The following ZFAND4 variants were observed in gnomAD, a reference collection of about 807,000 sequenced individuals.
ZFAND4 encodes AN1-type zinc finger protein 4.
In ZFAND4, 43 loss-of-function variants were observed where a neutral mutation model predicts 64.4. That is an observed-to-expected ratio of 0.67 (90% CI 0.52 to 0.86). The LOEUF is 0.86. Among genes scored for constraint, ZFAND4 ranks in the 40% least tolerant of loss-of-function variants. The pLI is 0.00. For missense variants in ZFAND4, 929 were observed against 859.8 expected (o/e 1.08, Z -1.01); for synonymous variants, 296 against 305.7 (o/e 0.97, Z 0.33).
chr10:45,626,854 C>T lies in ZFAND4; in HGVS notation c.969G>A (p.Trp323Ter), dbSNP rs1277593209. The T allele has an allele frequency of 1.9e-6, 3 of 1,614,002 alleles. No individual in the cohort carries two copies. The highest frequency in any genetic ancestry group is 2.2e-5 in the East Asian group (1 of 44,888). ...TGAAGTGAGACAGTGTGTTATTCTCCCAGCTATTATCTTCCTTAAGAAATT... is the reference window on the plus strand; with the variant it reads ...TGAAGTGAGACAGTGTGTTATTCTCTCAGCTATTATCTTCCTTAAGAAATT... ...TGEFLKEDNS[W>*]ENNTLSHFSS... is the part of the protein sequence containing the mutation. Residue 323 changes from tryptophan to a stop codon, truncating the protein, a stop_gained, in exon 7 of 10, where the codon TGG becomes TGA. Transcript: ENST00000344646. LOFTEE classifies it high-confidence loss of function.
chr10:45,640,231 T>C lies in ZFAND4; in HGVS notation c.570-268A>G, dbSNP rs913947151. 4 of 1,222,770 alleles carry C rather than the reference T, an allele frequency of 3.3e-6. No individual in the cohort carries two copies. In the African/African-American group the frequency reaches 6.4e-5, roughly 19 times the overall value. 75.7% of individuals were successfully genotyped at this position (1,222,770 alleles called of 1,614,324 possible). On this transcript the variant is annotated intron_variant, in intron 5 of 9. Transcript: ENST00000344646. ...CAGTATATCATAAATGAAGATGTTT[T>C]GACACCTGCCATATCATTCCCAAAG... is the stretch of plus-strand genomic sequence containing the variant.
chr10:45,669,703 C>T (rs962169282), intron 1 of ZFAND4, among the ~76,000 whole-genome samples: 1 of 152,196 alleles, frequency 6.6e-6, no homozygotes. Flanking sequence ...GGCCTCATCC[C>T]TGGGATGCAA....
intron 4 of ZFAND4, chr10:45,650,007 G>A (rs752439027): frequency 4.6e-5 from 7 of 152,202 alleles, no homozygotes; most frequent in Non-Finnish European, 1.0e-4. Flanking sequence ...CAATATATAT[G>A]AAGTTTGATA....
At chr10:45,670,664 C>T (rs61855760) in intron 1 of ZFAND4, among the ~76,000 whole-genome samples, 1 of 152,144 alleles carries the variant, frequency 6.6e-6, no homozygotes. Context: ...CTTCCTTACA[C>T]CTTATACAAA....
chr10:45,619,022 T>C, intron 8 of ZFAND4, among the ~76,000 whole-genome samples: 1 of 152,198 alleles, frequency 6.6e-6, no homozygotes, highest in Middle Eastern at 3.4e-3. Flanking sequence ...ACATCTGTTA[T>C]TATATAAGAA....
At chr10:45,656,075 C>CA (rs1421851424) in intron 2 of ZFAND4, among the ~76,000 whole-genome samples, 5 of 151,654 alleles carry the variant, frequency 3.3e-5, no homozygotes, top group South Asian at 2.1e-4. Context: ...ACTAAAAATA[C>CA]AAAAAATTAG....
rs2133899338 is a variant in ZFAND4 at position 45,672,252 on chromosome 10, A to T, written c.-120T>A. The stretch of plus-strand genomic sequence containing the variant: ...CCTCGCGCCATCCAGGTACCTACAC[A>T]CTTGAGGCCACCGAGTCACCTGCGC... On this transcript the variant is annotated splice_region_variant and 5_prime_UTR_variant, in exon 1 of 10. Transcript: ENST00000344646. 1 of 152,356 alleles carries T rather than the reference A, an allele frequency of 6.6e-6. No homozygotes were observed. Among genetic ancestry groups the T allele is most frequent in the East Asian group, 1.9e-4 (1 of 5,192 alleles). The allele number at this position is 152,356 out of a possible 1,614,324, so 9.4% of individuals were successfully genotyped here.
At chr10:45,636,307 G>C (rs773040661) in intron 6 of ZFAND4, among the ~76,000 whole-genome samples, 7 of 152,074 alleles carry the variant, frequency 4.6e-5, no homozygotes, top group Non-Finnish European at 7.4e-5. Context: ...TGTAATCAGA[G>C]AGCATTTTTG....
In ZFAND4 at chr10:45,626,280, T is replaced by C. The variant is rs755507126; in HGVS notation, c.1543A>G (p.Ile515Val). 21 of 1,614,094 alleles carry C rather than the reference T, an allele frequency of 1.3e-5. No homozygotes were observed. Among genetic ancestry groups the C allele is most frequent in the Non-Finnish European group, 1.7e-5 (20 of 1,180,038 alleles). Residue 515 changes from isoleucine to valine, a missense_variant, in exon 7 of 10, where the codon ATA becomes GTA. Transcript: ENST00000344646. ...SSSQSLDVQN[I>V]TDSSFSRTTC... ...GTCCTAGAGAAAGAAGAATCAGTTA[T>C]GTTTTGAACATCCAGTGACTGAGAA...
At chr10:45,647,719 T>C (rs1564607036) in intron 5 of ZFAND4, among the ~76,000 whole-genome samples, 3 of 152,140 alleles carry the variant, frequency 2.0e-5, no homozygotes, top group African/African-American at 4.8e-5. Flanking sequence ...ATCAGTGCCT[T>C]GCTCAGTGAA....
At chr10:45,635,048 T>C (rs961709118) in intron 6 of ZFAND4, among the ~76,000 whole-genome samples, 1 of 151,658 alleles carries the variant, frequency 6.6e-6, no homozygotes, top group Non-Finnish European at 1.5e-5. Flanking sequence ...ATTAATATTG[T>C]TAAAATGTCC....
In ZFAND4 at chr10:45,633,388, T is replaced by C. The variant is rs1014622956; in HGVS notation, c.718-6283A>G. Among the ~76,000 whole-genome samples, 10 of 152,014 alleles carry C rather than the reference T, an allele frequency of 6.6e-5. No homozygotes were observed. The East Asian group carries it at 1.9e-3, about 29-fold the overall frequency. On this transcript the variant is annotated intron_variant, in intron 6 of 9. Transcript: ENST00000344646. ...TACAAACAATATTCTCTGAGTTCCATGCAATAAAACTAGAAATTAAAAACA... is the reference window on the plus strand; with the variant it reads ...TACAAACAATATTCTCTGAGTTCCACGCAATAAAACTAGAAATTAAAAACA...
chr10:45,652,368 C>A (rs373211329), intron 3 of ZFAND4, among the ~76,000 whole-genome samples: 2 of 152,166 alleles, frequency 1.3e-5, no homozygotes, highest in East Asian at 3.8e-4. Flanking sequence ...CAGAAAATAG[C>A]AAATCTATTT....
intron 6 of ZFAND4, among the ~76,000 whole-genome samples, chr10:45,636,180 T>C (rs1186403221): frequency 6.6e-6 from 1 of 152,158 alleles, no homozygotes. Flanking sequence ...TTTTATTCAG[T>C]GAAAAAATAC....
chr10:45,662,712 T>C (rs1280750263), intron 2 of ZFAND4: 2 of 961,408 alleles, frequency 2.1e-6, no homozygotes, highest in East Asian at 2.3e-4. Context: ...CAGGAGCTCA[T>C]ATATATCCTT....
intron 5 of ZFAND4, 40 bp from the exon 6 acceptor site, chr10:45,640,003 C>G: frequency 6.4e-7 from 1 of 1,574,352 alleles, no homozygotes; most frequent in Non-Finnish European, 8.6e-7. Flanking sequence ...TTTTCTGATA[C>G]CTGCTCAGTG....
At chr10:45,640,251 C>CA (rs1296916486) in intron 5 of ZFAND4, 67 of 1,212,314 alleles carry the variant, frequency 5.5e-5, no homozygotes, top group Non-Finnish European at 5.4e-5. Flanking sequence ...CATATCATTC[C>CA]CAAAGAGGCA....
chr10:45,661,869 G>C (rs1589429809), intron 2 of ZFAND4, among the ~76,000 whole-genome samples: 1 of 151,932 alleles, frequency 6.6e-6, no homozygotes, highest in Non-Finnish European at 1.5e-5. Flanking sequence ...GAACCCAGGA[G>C]GCGGAGGTTG....
In ZFAND4 at chr10:45,663,852, C is replaced by A; in HGVS notation, c.-117-10G>T. 1.3e-6 allele frequency: 1 copy of A among 788,972 alleles called. No homozygotes were observed. The highest frequency in any genetic ancestry group is 2.6e-5 in the South Asian group (1 of 37,830). 48.9% of individuals were successfully genotyped at this position (788,972 alleles called of 1,614,324 possible). A position where few individuals can be genotyped will look rare whatever the true frequency, so the allele number is the denominator to read the frequency against. On this transcript the variant is annotated splice_polypyrimidine_tract_variant and intron_variant, in intron 1 of 9. Transcript: ENST00000344646. ...GTTTTGAGTTTTGTACCTAAAAAAACAAGAATTTTTTTAACAAGCCTATCT... is the reference window on the plus strand; with the variant it reads ...GTTTTGAGTTTTGTACCTAAAAAAAAAAGAATTTTTTTAACAAGCCTATCT...
Sources: gnomAD v4.1 joint callset for allele counts (sites outside exome capture counted in the v4.1 genomes callset) on GRCh38, gnomAD v4.1.1 for gene constraint, MANE v1.5 for transcripts, NCBI Gene and HGNC (gene_info 2026-07-23, HGNC 2026-07-21) for gene names.